TRIM14: variants seen among roughly 807,000 people sequenced by gnomAD.
TRIM14 encodes the protein tripartite motif containing 14, also known as tripartite motif-containing protein 14.
TRIM14 carries 28 observed loss-of-function variants against 44.5 expected under a neutral mutation model. That is an observed-to-expected ratio of 0.63 (90% CI 0.47 to 0.86). The LOEUF is 0.86. Among genes scored for constraint, TRIM14 ranks in the 40% least tolerant of loss-of-function variants. TRIM14 has a pLI of 0.00. For missense variants in TRIM14, 607 were observed against 611.1 expected (o/e 0.99, Z 0.07); for synonymous variants, 299 against 269.2 (o/e 1.11, Z -1.08).
rs1054121340 is a variant in TRIM14 at position 98,094,859 on chromosome 9, C to A, written c.700+8G>T. 1.2e-6 allele frequency: 2 copies of A among 1,612,414 alleles called. No homozygotes were observed. The highest frequency in any genetic ancestry group is 2.7e-5 in the African/African-American group (2 of 75,016). On this transcript the variant is annotated splice_region_variant and intron_variant, in intron 4 of 5. Transcript: ENST00000341469. ...TAAGGACACAAAGTTGGTCACTCGG[C>A]GACTTACTTTCCTTAAGGCGAATGT...
chr9:98,056,852 G>A, the TRIM14 span: 2 of 1,612,236 alleles, frequency 1.2e-6, no homozygotes, highest in Non-Finnish European at 1.7e-6. Flanking sequence ...TGGGTGGGCG[G>A]GCAACACCCG....
chr9:98,119,194 T>C lies in TRIM14; in HGVS notation c.-6A>G, dbSNP rs1827165103. 3 of 1,568,624 alleles carry C rather than the reference T, an allele frequency of 1.9e-6. No individual in the cohort carries two copies. Among genetic ancestry groups the C allele is most frequent in the Non-Finnish European group, 2.6e-6 (3 of 1,168,152 alleles). On this transcript the variant is annotated 5_prime_UTR_variant, in exon 1 of 6. Coordinates refer to ENST00000341469, the MANE Select transcript of TRIM14 (RefSeq NM_014788.4). ...CCGGTCGCCGCGCCCGCCATTCATC[T>C]CCACCTCCTCCGGCTCCCCGGGACA... is the stretch of plus-strand genomic sequence containing the variant.
In TRIM14 at chr9:98,087,697, C is replaced by T. The variant is rs1326593151; in HGVS notation, c.1102G>A (p.Asp368Asn). Residue 368 changes from aspartate (D) to asparagine (N), a missense_variant, in exon 6 of 6, where the codon GAC (aspartate) becomes AAC (asparagine). This residue lies in a region of TRIM14 where 356 missense variants were observed against 323.0 expected (regional missense o/e 1.10). Transcript: ENST00000341469. ...NRQSWCLKRY[D>N]LEYWAFHDGQ... is the part of the protein sequence containing the mutation. The stretch of plus-strand genomic sequence containing the variant: ...TCGTGGAAGGCCCAGTACTCAAGGT[C>T]GTAGCGCTTGAGGCACCAGGACTGG... The T allele has an allele frequency of 1.3e-6, 2 of 1,599,528 alleles. No homozygotes were observed. Among genetic ancestry groups the T allele is most frequent in the African/African-American group, 1.3e-5 (1 of 74,860 alleles).
chr9:98,070,015 G>A (rs991207144), intron 6 of TRIM14, among the ~76,000 whole-genome samples: 1 of 152,192 alleles, frequency 6.6e-6, no homozygotes, highest in African/African-American at 2.4e-5. Context: ...GAAACTGGGG[G>A]AAGAGTATAT....
At chr9:98,076,947 T>A (rs1829619275) in intron 6 of TRIM14, 1 of 1,612,564 alleles carries the variant, frequency 6.2e-7, no homozygotes, top group African/African-American at 1.3e-5. Context: ...ATGAACTGAA[T>A]GTTCCATTTT....
At chr9:98,041,752 G>T in the TRIM14 span, among the ~76,000 whole-genome samples, 132 of 150,854 alleles carry the variant, frequency 8.8e-4, 3 homozygotes, top group African/African-American at 2.9e-3. Context: ...GCACAATCTC[G>T]GCTCACTGCA....
chr9:98,072,773 G>C (rs539348705), intron 6 of TRIM14, among the ~76,000 whole-genome samples: 1 of 152,274 alleles, frequency 6.6e-6, no homozygotes, highest in East Asian at 1.9e-4. Flanking sequence ...CAAACTGTTG[G>C]AGGTAGATTG....
downstream of TRIM14, chr9:98,082,860 G>A (rs757082751): frequency 8.7e-6 from 14 of 1,613,988 alleles, no homozygotes; most frequent in South Asian, 1.4e-4. Flanking sequence ...GCAAGTCTGT[G>A]GTGGCCAAAG....
the TRIM14 span, chr9:98,060,867 C>T: frequency 8.1e-6 from 13 of 1,614,014 alleles, no homozygotes; most frequent in African/African-American, 4.0e-5. Context: ...CCATACACCT[C>T]GAAGCATTCC....
At chr9:98,039,060 C>CA in the TRIM14 span, among the ~76,000 whole-genome samples, 2 of 151,118 alleles carry the variant, frequency 1.3e-5, no homozygotes, top group Non-Finnish European at 3.0e-5. Flanking sequence ...AAAAAAAAAC[C>CA]AAAAAAAACC....
In TRIM14 at chr9:98,085,845, T is replaced by C. The variant is rs1825756205; in HGVS notation, c.*1625A>G. On this transcript the variant is annotated 3_prime_UTR_variant, in exon 6 of 6. Coordinates refer to ENST00000341469, the MANE Select transcript of TRIM14 (RefSeq NM_014788.4). The stretch of plus-strand genomic sequence containing the variant: ...ATGGTTCAAACTAATGCACTGAAAG[T>C]CTATTTAAACCACGAGGATTCGGCG... 1 of 152,114 alleles carries C rather than the reference T, an allele frequency of 6.6e-6. No homozygotes were observed. The highest frequency in any genetic ancestry group is 2.4e-5 in the African/African-American group (1 of 41,392). 9.4% of individuals were successfully genotyped at this position (152,114 alleles called of 1,614,324 possible). A position where few individuals can be genotyped will look rare whatever the true frequency, so the allele number is the denominator to read the frequency against.
At chr9:98,070,181 G>C (rs1032075423) in intron 6 of TRIM14, among the ~76,000 whole-genome samples, 1 of 152,184 alleles carries the variant, frequency 6.6e-6, no homozygotes, top group East Asian at 1.9e-4. Flanking sequence ...GCAGTGGCAC[G>C]ATTGTGGCTC....
the TRIM14 span, among the ~76,000 whole-genome samples, chr9:98,050,361 T>C: frequency 2.0e-5 from 3 of 152,180 alleles, no homozygotes; most frequent in African/African-American, 7.2e-5. Flanking sequence ...AATATACTTA[T>C]TTGGTCTTGA....
At chr9:98,105,555 G>A (rs1440177586) in intron 2 of TRIM14, among the ~76,000 whole-genome samples, 1 of 152,158 alleles carries the variant, frequency 6.6e-6, no homozygotes, top group Non-Finnish European at 1.5e-5. Context: ...CTCTAGCCTT[G>A]GCAACAGATC....
Position 98,073,271 on chromosome 9 carries a change from C to CTTTT in TRIM14, c.*29-3588_*29-3585dup, listed in dbSNP as rs10606237. Among the ~76,000 whole-genome samples, 401 of 57,842 alleles carry CTTTT rather than the reference C, an allele frequency of 6.9e-3. 46 individuals are homozygous for CTTTT. The highest frequency in any genetic ancestry group is 0.014 in the East Asian group (20 of 1,448). The allele number at this position is 57,842 out of a possible 152,430, so 37.9% of individuals were successfully genotyped here. A position where few individuals can be genotyped will look rare whatever the true frequency, so the allele number is the denominator to read the frequency against. ...GTTCTCCCCAGCTCATCACCATGGG[C>CTTTT]TTTTTTTTTTTTTTTTTTTTTTTTT... On this transcript the variant is annotated intron_variant, in intron 6 of 6. Coordinates refer to the TRIM14 transcript ENST00000375098.
the TRIM14 span, among the ~76,000 whole-genome samples, chr9:98,038,845 C>T: frequency 0.26 from 39,892 of 151,672 alleles, 5,523 homozygotes; most frequent in Admixed American, 0.3. Flanking sequence ...GGTCAGGAGT[C>T]TGAGACCAGT....
chr9:98,079,127 T>G (rs34943075), intron 6 of TRIM14, among the ~76,000 whole-genome samples: 1 of 152,148 alleles, frequency 6.6e-6, no homozygotes, highest in African/African-American at 2.4e-5. Flanking sequence ...TCACAGATGG[T>G]GAAATCCAGT....
intron 1 of TRIM14, among the ~76,000 whole-genome samples, chr9:98,112,973 G>A (rs1018013378): frequency 6.6e-6 from 1 of 151,220 alleles, no homozygotes. Flanking sequence ...AATTAACTGG[G>A]CATGGTGTTG....
At chr9:98,081,146 AGAG>A (rs1189015287), downstream of TRIM14, 9 of 1,594,768 alleles carry the variant, frequency 5.6e-6, no homozygotes, top group Non-Finnish European at 6.9e-6. Flanking sequence ...GGCTGGCCTG[AGAG>A]GGATGGTCAG....
Sources: gnomAD v4.1 joint callset for allele counts (sites outside exome capture counted in the v4.1 genomes callset) on GRCh38, gnomAD v4.1.1 for gene constraint, gnomAD v4.1.1 regional missense constraint, MANE v1.5 for transcripts, NCBI Gene and HGNC (gene_info 2026-07-23, HGNC 2026-07-21) for gene names.